The following RPS6KC1 variants were observed in gnomAD, a reference collection of about 807,000 sequenced individuals.
RPS6KC1 encodes ribosomal protein S6 kinase C1, also known as inactive ribosomal protein S6 kinase delta-1.
In RPS6KC1, 54 loss-of-function variants were observed where a neutral mutation model predicts 103.8. The observed-to-expected ratio is 0.52, with a 90% CI of 0.42 to 0.65. The LOEUF (loss-of-function observed/expected upper bound fraction) is 0.65. RPS6KC1 is among the 30% of genes least tolerant of loss of function. RPS6KC1 has a pLI of 0.00. For synonymous variants in RPS6KC1, 439 were observed against 438.7 expected, an observed-to-expected ratio of 1.00 and a Z score of -0.01; for missense variants, 1,151 against 1,253.8, an observed-to-expected ratio of 0.92 and a Z score of 1.24.
the RPS6KC1 span, among the ~76,000 whole-genome samples, chr1:213,727,791 A>G: frequency 6.6e-6 from 1 of 152,352 alleles, no homozygotes; most frequent in East Asian, 1.9e-4. Context: ...TGAAGTTGGT[A>G]TTTAGGACAA....
chr1:213,294,565 A>G, the RPS6KC1 span, among the ~76,000 whole-genome samples: 5 of 152,170 alleles, frequency 3.3e-5, no homozygotes, highest in Admixed American at 3.3e-4. Context: ...GAGCACAGTC[A>G]GTGACTGTGG....
intron 8 of RPS6KC1, among the ~76,000 whole-genome samples, chr1:213,214,211 G>A (rs1036852055): frequency 3.3e-5 from 5 of 152,244 alleles, no homozygotes; most frequent in Admixed American, 6.5e-5. Flanking sequence ...CTTAGCAAAC[G>A]GCACACCAGA....
At chr1:213,137,752 G>GCGCGCTCTCTCTCTCTCTCTCT (rs1553340080) in intron 6 of RPS6KC1, among the ~76,000 whole-genome samples, 2 of 12,204 alleles carry the variant, frequency 1.6e-4, no homozygotes, top group African/African-American at 1.8e-4. Context: ...AGTCCAGTTT[G>GCGCGCTCTCTCTCTCTCTCTCT]CTCTCTCTCT....
chr1:213,374,450 T>G, the RPS6KC1 span, among the ~76,000 whole-genome samples: 1 of 152,060 alleles, frequency 6.6e-6, no homozygotes, highest in Non-Finnish European at 1.5e-5. Flanking sequence ...GGTTGTACCC[T>G]GTAGTAATTG....
intron 8 of RPS6KC1, among the ~76,000 whole-genome samples, chr1:213,218,138 C>T (rs1057236132): frequency 1.3e-5 from 2 of 152,050 alleles, no homozygotes; most frequent in African/African-American, 4.8e-5. Flanking sequence ...TTGTCTCAGC[C>T]CAAAATCTCC....
the RPS6KC1 span, among the ~76,000 whole-genome samples, chr1:213,370,452 G>C: frequency 2.0e-5 from 3 of 151,984 alleles, no homozygotes; most frequent in Non-Finnish European, 4.4e-5. Flanking sequence ...ACAGGCTTGT[G>C]CACTTCGGGA....
chr1:213,164,231 A>G (rs546875839), intron 6 of RPS6KC1, among the ~76,000 whole-genome samples: 2 of 152,332 alleles, frequency 1.3e-5, no homozygotes, highest in Admixed American at 6.5e-5. Context: ...GGCTTCTTGG[A>G]TAAGTTAGAA....
the RPS6KC1 span, among the ~76,000 whole-genome samples, chr1:213,301,721 A>G: frequency 7.0e-6 from 1 of 143,816 alleles, no homozygotes; most frequent in Non-Finnish European, 1.5e-5. Flanking sequence ...TTATTTATTT[A>G]TTTATTTATT....
chr1:213,852,384 C>T, the RPS6KC1 span, among the ~76,000 whole-genome samples: 1 of 151,730 alleles, frequency 6.6e-6, no homozygotes, highest in Non-Finnish European at 1.5e-5. Flanking sequence ...ATATCTTTAC[C>T]TAATTTTTTT....
chr1:213,838,146 ATG>A, the RPS6KC1 span, among the ~76,000 whole-genome samples: 1 of 152,124 alleles, frequency 6.6e-6, no homozygotes, highest in African/African-American at 2.4e-5. Flanking sequence ...TTAAAGTGTG[ATG>A]TGTTTCTTCA....
chr1:213,366,551 C>G, the RPS6KC1 span, among the ~76,000 whole-genome samples: 1 of 152,236 alleles, frequency 6.6e-6, no homozygotes, highest in African/African-American at 2.4e-5. Context: ...GTTCAACTCT[C>G]GTTGTAGCAC....
chr1:213,219,525 T>C (rs558256002), intron 8 of RPS6KC1, among the ~76,000 whole-genome samples: 29 of 152,210 alleles, frequency 1.9e-4, no homozygotes, highest in Non-Finnish European at 3.1e-4. Flanking sequence ...ACCCAAAGGA[T>C]TATAACACAT....
chr1:213,495,555 A>T, the RPS6KC1 span, among the ~76,000 whole-genome samples: 2 of 152,070 alleles, frequency 1.3e-5, no homozygotes, highest in Non-Finnish European at 2.9e-5. Flanking sequence ...CTCCTGACTC[A>T]GGTGATCTGC....
At chr1:213,357,494 G>A in the RPS6KC1 span, among the ~76,000 whole-genome samples, 2 of 152,198 alleles carry the variant, frequency 1.3e-5, no homozygotes, top group Non-Finnish European at 2.9e-5. Context: ...GCATCTTAGC[G>A]ATGGGTCCAT....
chr1:213,755,047 T>G, the RPS6KC1 span, among the ~76,000 whole-genome samples: 1 of 152,176 alleles, frequency 6.6e-6, no homozygotes, highest in Admixed American at 6.5e-5. Flanking sequence ...GATTCGTTCC[T>G]TACACTTAAG....
the RPS6KC1 span, among the ~76,000 whole-genome samples, chr1:213,714,053 G>A: frequency 3.3e-5 from 5 of 152,202 alleles, no homozygotes; most frequent in Non-Finnish European, 7.3e-5. Context: ...GTGTATAGTG[G>A]TTAAGACTTT....
rs994237600 is a variant in RPS6KC1 at position 213,192,956 on chromosome 1, A to G, written c.1044+16464A>G. Reference sequence around the variant, plus strand: ...CAGTTTCTTTGTGGACCCACTGGCCATTCAGAAGCATATTTCTTAATTTCC... The same window carrying G: ...CAGTTTCTTTGTGGACCCACTGGCCGTTCAGAAGCATATTTCTTAATTTCC... On this transcript the variant is annotated intron_variant, in intron 8 of 14. Transcript: ENST00000366960. 2.0e-5 allele frequency among the ~76,000 whole-genome samples: 3 copies of G among 152,060 alleles called. 1 individual carries two copies. Among genetic ancestry groups the G allele is most frequent in the African/African-American group, 7.2e-5 (3 of 41,414 alleles).
At chr1:213,583,001 G>A in the RPS6KC1 span, among the ~76,000 whole-genome samples, 7 of 152,148 alleles carry the variant, frequency 4.6e-5, no homozygotes, top group African/African-American at 1.7e-4. Flanking sequence ...TCATTTAAAA[G>A]GAATTACACA....
chr1:213,323,939 A>T, the RPS6KC1 span, among the ~76,000 whole-genome samples: 1 of 152,190 alleles, frequency 6.6e-6, no homozygotes, highest in African/African-American at 2.4e-5. Flanking sequence ...ATGTTTATTG[A>T]CATGTACCCA....
Sources: allele counts gnomAD v4.1 joint callset (sites outside exome capture counted in the v4.1 genomes callset), GRCh38; gene constraint gnomAD v4.1.1; transcripts MANE v1.5; gene names NCBI Gene and HGNC (gene_info 2026-07-23, HGNC 2026-07-21).